The following C1orf105 variants were observed in gnomAD, a reference collection of about 807,000 sequenced individuals.
C1orf105 encodes chromosome 1 open reading frame 105.
Under a neutral mutation model 20.8 loss-of-function variants are expected in C1orf105, and 17 were observed. That is an observed-to-expected ratio of 0.82 (90% CI 0.56 to 1.23). The LOEUF (loss-of-function observed/expected upper bound fraction) is 1.23. Among genes scored for constraint, C1orf105 ranks in the 50% most tolerant of loss-of-function variants. The pLI, the probability that C1orf105 is intolerant of heterozygous loss-of-function variation, is 0.00. For synonymous variants in C1orf105, 72 were observed against 72.1 expected, an observed-to-expected ratio of 1.00 and a Z score of 0.01; for missense variants, 219 against 213.5, an observed-to-expected ratio of 1.03 and a Z score of -0.16.
rs149152640 is a variant in C1orf105, at chr1:172,462,803, C to G, written c.341+558C>G. Among the ~76,000 whole-genome samples, 1,227 of 152,172 alleles carry G rather than the reference C, an allele frequency of 8.1e-3. 14 individuals are homozygous for G. Among genetic ancestry groups the G allele is most frequent in the African/African-American group, 0.028 (1,178 of 41,534 alleles). On this transcript the variant is annotated intron_variant, in intron 5 of 6. Transcript: ENST00000367727. The stretch of plus-strand genomic sequence containing the variant: ...GTTTTTTCTTTTTGAGATGGAGTCT[C>G]TCTCTGTTGCCCAGGCTGCAGTGCA...
At chr1:172,448,569 G>T in intron 3 of C1orf105, 38 bp downstream of exon 3, 2 of 1,184,894 alleles carry the variant, frequency 1.7e-6, no homozygotes, top group Non-Finnish European at 1.3e-6. Flanking sequence ...ACCAACAGCA[G>T]TTCTAGAATG....
intron 2 of C1orf105, among the ~76,000 whole-genome samples, chr1:172,447,724 C>T (rs1048648753): frequency 6.6e-6 from 1 of 152,210 alleles, no homozygotes; most frequent in Non-Finnish European, 1.5e-5. Context: ...AATCTTCCCT[C>T]ATTAGAGAGG....
chr1:172,453,064 T>A, intron 3 of C1orf105: 1 of 1,550,660 alleles, frequency 6.4e-7, no homozygotes, highest in South Asian at 1.2e-5. Flanking sequence ...CTCAAATGTT[T>A]GCGTCGCCTT....
chr1:172,452,874 A>G (rs2149181853), intron 3 of C1orf105: 1 of 1,451,732 alleles, frequency 6.9e-7, no homozygotes, highest in Non-Finnish European at 9.1e-7. Flanking sequence ...ATAAAACCAG[A>G]GCATTGTACT....
At position 172,468,749 on chromosome 1, in the gene C1orf105, C is replaced by T. The variant is rs549546852; in HGVS notation, c.*155C>T. On this transcript the variant is annotated 3_prime_UTR_variant, in exon 7 of 7. Coordinates refer to ENST00000367727, the MANE Select transcript of C1orf105 (RefSeq NM_139240.4). Reference sequence around the variant, plus strand: ...AAGATTGCTGGTATTCTAGCTCTTACCTCTATGTTCTTTCTCACGTCTCCT... The same window carrying T: ...AAGATTGCTGGTATTCTAGCTCTTATCTCTATGTTCTTTCTCACGTCTCCT... 8.7e-6 allele frequency: 6 copies of T among 687,300 alleles called. No individual in the cohort carries two copies. In the African/African-American group the frequency reaches 8.9e-5, roughly 10 times the overall value. 42.6% of individuals were successfully genotyped at this position (687,300 alleles called of 1,614,324 possible).
At chr1:172,426,239 C>T (rs1027306748) in intron 1 of C1orf105, among the ~76,000 whole-genome samples, 2 of 152,222 alleles carry the variant, frequency 1.3e-5, no homozygotes, top group Non-Finnish European at 2.9e-5. Flanking sequence ...TTGTCTCCCA[C>T]AGCCCTCACA....
chr1:172,427,130 C>G (rs988424936), intron 1 of C1orf105, among the ~76,000 whole-genome samples: 1 of 152,204 alleles, frequency 6.6e-6, no homozygotes, highest in Non-Finnish European at 1.5e-5. Flanking sequence ...CTCTCACTCC[C>G]CTATCCTCAA....
chr1:172,435,457 A>C (rs1558127880), intron 1 of C1orf105, among the ~76,000 whole-genome samples: 1 of 152,196 alleles, frequency 6.6e-6, no homozygotes, highest in African/African-American at 2.4e-5. Context: ...AAATCAATAA[A>C]CGTAATCCAT....
chr1:172,444,014 G>C lies in C1orf105; in HGVS notation c.22-1059G>C, dbSNP rs78565583. 63 of 1,000,170 alleles carry C rather than the reference G, an allele frequency of 6.3e-5. No individual in the cohort carries two copies. In the East Asian group the frequency reaches 6.2e-3, roughly 99 times the overall value. 62.0% of individuals were successfully genotyped at this position (1,000,170 alleles called of 1,614,324 possible). On this transcript the variant is annotated intron_variant, in intron 1 of 6. Coordinates refer to ENST00000367727, the MANE Select transcript of C1orf105 (RefSeq NM_139240.4). The stretch of plus-strand genomic sequence containing the variant: ...CGAGAGTTCCTAGGGTTGCGCAGCT[G>C]GGGGACGGCGGCACCCAGCCTTTTT...
At chr1:172,428,793 G>C (rs1325514969) in intron 1 of C1orf105, 1 of 698,410 alleles carries the variant, frequency 1.4e-6, no homozygotes, top group Non-Finnish European at 2.6e-6. Context: ...TTTATTTACA[G>C]ATATATTCCA....
intron 1 of C1orf105, among the ~76,000 whole-genome samples, chr1:172,425,401 T>C (rs916456507): frequency 6.6e-6 from 1 of 152,192 alleles, no homozygotes; most frequent in Non-Finnish European, 1.5e-5. Flanking sequence ...TGATGATGGT[T>C]ATTGTTCGTC....
At chr1:172,438,010 G>C (rs147816792) in intron 1 of C1orf105, among the ~76,000 whole-genome samples, 1 of 151,944 alleles carries the variant, frequency 6.6e-6, no homozygotes, top group African/African-American at 2.4e-5. Context: ...TGAAAATTAC[G>C]TGAAATCTAC....
intron 1 of C1orf105, among the ~76,000 whole-genome samples, chr1:172,421,495 A>G (rs979131887): frequency 6.6e-6 from 1 of 152,196 alleles, no homozygotes; most frequent in Non-Finnish European, 1.5e-5. Flanking sequence ...ATAAACCACC[A>G]CAAGTTGAAA....
chr1:172,454,558 CA>C (rs1649025636), intron 3 of C1orf105, among the ~76,000 whole-genome samples: 2 of 152,192 alleles, frequency 1.3e-5, no homozygotes, highest in South Asian at 4.1e-4. Flanking sequence ...AACCTCCCAC[CA>C]GACAACCTGT....
At chr1:172,437,782 GA>G (rs763315042) in intron 1 of C1orf105, among the ~76,000 whole-genome samples, 184 of 148,694 alleles carry the variant, frequency 1.2e-3, no homozygotes, top group Non-Finnish European at 2.2e-3. Flanking sequence ...ATTTCTACTA[GA>G]AAAAAAAATA....
intron 1 of C1orf105, among the ~76,000 whole-genome samples, chr1:172,438,691 A>G (rs2072121167): frequency 6.6e-6 from 1 of 152,236 alleles, no homozygotes; most frequent in African/African-American, 2.4e-5. Context: ...GGGTTGACCC[A>G]ATTTTGAAAG....
chr1:172,465,739 G>C (rs936101960), intron 6 of C1orf105: 2 of 458,726 alleles, frequency 4.4e-6, no homozygotes, highest in African/African-American at 2.0e-5. Flanking sequence ...CCCTCAGAGC[G>C]GCCTCACCAA....
chr1:172,451,867 CTT>C (rs11462736), intron 3 of C1orf105, among the ~76,000 whole-genome samples: 1 of 85,194 alleles, frequency 1.2e-5, no homozygotes, highest in Non-Finnish European at 2.1e-5. Context: ...TATATGGATT[CTT>C]TTTTTTTTTT....
At chr1:172,461,429 A>G (rs543575843) in intron 4 of C1orf105, among the ~76,000 whole-genome samples, 28 of 152,308 alleles carry the variant, frequency 1.8e-4, no homozygotes, top group African/African-American at 6.7e-4. Context: ...TGTAATTGTC[A>G]TTTTATTATT....
Sources: allele counts gnomAD v4.1 joint callset (sites outside exome capture counted in the v4.1 genomes callset), GRCh38; gene constraint gnomAD v4.1.1; transcripts MANE v1.5; gene names NCBI Gene and HGNC (gene_info 2026-07-23, HGNC 2026-07-21).